Variants in FBN2 observed in about 807,000 individuals in gnomAD.
The protein encoded by FBN2 is fibrillin-2.
FBN2 carries 105 observed loss-of-function variants against 355.6 expected under a neutral mutation model. The ratio of observed to expected loss-of-function variants is 0.30; its 90% CI spans 0.25 to 0.35. FBN2 has a LOEUF of 0.35. Ranked by LOEUF, FBN2 falls within the 10% of genes least tolerant of loss-of-function variation. The pLI, the probability that FBN2 is intolerant of heterozygous loss-of-function variation, is 1.00. For synonymous variants in FBN2, 1,350 were observed against 1,301.2 expected, an observed-to-expected ratio of 1.04 and a Z score of -0.81; for missense variants, 3,280 against 3,758.7, an observed-to-expected ratio of 0.87 and a Z score of 3.33.
intron 11 of FBN2, among the ~76,000 whole-genome samples, chr5:128,388,179 T>C (rs1416273627): frequency 6.6e-6 from 1 of 152,228 alleles, no homozygotes; most frequent in Non-Finnish European, 1.5e-5. Context: ...TGTTTTTGTT[T>C]TCCATTTGCT....
intron 5 of FBN2, among the ~76,000 whole-genome samples, chr5:128,517,192 G>A (rs562219082): frequency 1.3e-5 from 2 of 152,208 alleles, no homozygotes; most frequent in African/African-American, 4.8e-5. Context: ...GAATAATGAC[G>A]TAATTCCTGG....
intron 6 of FBN2, among the ~76,000 whole-genome samples, chr5:128,461,321 C>A (rs1437978221): frequency 6.6e-6 from 1 of 152,066 alleles, no homozygotes; most frequent in Non-Finnish European, 1.5e-5. Flanking sequence ...TCACACCATT[C>A]AGAATGGTGA....
intron 5 of FBN2, among the ~76,000 whole-genome samples, chr5:128,504,666 A>G (rs750800330): frequency 1.3e-5 from 2 of 152,232 alleles, no homozygotes; most frequent in Non-Finnish European, 2.9e-5. Context: ...CAACCATTGT[A>G]TCTAGGAAGT....
chr5:128,408,585 T>G, intron 8 of FBN2, 89 bp downstream of exon 8: 1 of 1,470,372 alleles, frequency 6.8e-7, no homozygotes, highest in Non-Finnish European at 9.5e-7. Context: ...TCTTCAATAT[T>G]TTATAATCGT....
At chr5:128,341,344 C>T (rs1468259495) in intron 25 of FBN2, among the ~76,000 whole-genome samples, 2 of 152,120 alleles carry the variant, frequency 1.3e-5, no homozygotes, top group African/African-American at 4.8e-5. Flanking sequence ...GATGGTTAAC[C>T]TGGGTTGTGG....
At position 128,455,990 on chromosome 5, in the gene FBN2, C is replaced by CAAAAAAAAAAAAAAAAAAAAAAAAAA. The variant is rs70997371; in HGVS notation, c.826+8708_826+8733dup. The stretch of plus-strand genomic sequence containing the variant: ...GAGCTCCTTGGGGGAGGGTTAGCAA[C>CAAAAAAAAAAAAAAAAAAAAAAAAAA]AAAAAAAAAAAAAAAAAAAAAAAAA... On this transcript the variant is annotated intron_variant, in intron 6 of 64. Transcript: ENST00000262464. 2.4e-4 allele frequency among the ~76,000 whole-genome samples: 6 copies of CAAAAAAAAAAAAAAAAAAAAAAAAAA among 25,276 alleles called. 2 individuals are homozygous for CAAAAAAAAAAAAAAAAAAAAAAAAAA. Among genetic ancestry groups the CAAAAAAAAAAAAAAAAAAAAAAAAAA allele is most frequent in the Non-Finnish European group, 4.7e-4 (6 of 12,632 alleles). 16.6% of individuals were successfully genotyped at this position (25,276 alleles called of 152,430 possible).
At chr5:128,533,037 C>A (rs966051224) in intron 2 of FBN2, among the ~76,000 whole-genome samples, 1 of 151,978 alleles carries the variant, frequency 6.6e-6, no homozygotes, top group African/African-American at 2.4e-5. Context: ...GATCCTGTCT[C>A]AAATTAATAA....
intron 34 of FBN2, 98 bp from the exon 35 acceptor site, chr5:128,319,099 G>T: frequency 1.0e-6 from 1 of 975,366 alleles, no homozygotes; most frequent in Non-Finnish European, 1.6e-6. Flanking sequence ...CCCCTCAGAT[G>T]TTTTTATTCA....
intron 5 of FBN2, among the ~76,000 whole-genome samples, chr5:128,499,619 C>T (rs4836376): frequency 0.7 from 105,820 of 152,010 alleles, 38,976 homozygotes; most frequent in African/African-American, 0.93. Context: ...GGAATCAATA[C>T]TGTTGACAAA....
intron 45 of FBN2, among the ~76,000 whole-genome samples, chr5:128,303,943 T>C (rs1749790686): frequency 6.6e-6 from 1 of 152,148 alleles, no homozygotes; most frequent in Non-Finnish European, 1.5e-5. Flanking sequence ...GTATATTCCT[T>C]TGTATAAACA....
intron 25 of FBN2, 35 bp from the exon 26 acceptor site, chr5:128,339,096 G>T: frequency 1.2e-6 from 2 of 1,610,494 alleles, no homozygotes; most frequent in Non-Finnish European, 8.5e-7. Context: ...TTTAAAAATT[G>T]AATGAGATAG....
intron 5 of FBN2, among the ~76,000 whole-genome samples, chr5:128,493,473 T>C (rs1755565229): frequency 6.6e-6 from 1 of 152,120 alleles, no homozygotes; most frequent in African/African-American, 2.4e-5. Flanking sequence ...ACATATATCA[T>C]GCCATCAAAA....
At chr5:128,415,981 T>C (rs1465654439) in intron 7 of FBN2, among the ~76,000 whole-genome samples, 1 of 152,154 alleles carries the variant, frequency 6.6e-6, no homozygotes, top group Non-Finnish European at 1.5e-5. Flanking sequence ...CAAGTATCTC[T>C]TGACCATTTT....
Position 128,305,650 on chromosome 5 carries a change from A to C in FBN2, c.5549-14T>G, listed in dbSNP as rs1345201243. 2 of 1,613,930 alleles carry C rather than the reference A, an allele frequency of 1.2e-6. No homozygotes were observed. The highest frequency in any genetic ancestry group is 4.5e-5 in the East Asian group (2 of 44,874). Reference sequence around the variant, plus strand: ...ACTCATCTATATCTGAAAGAGCAACAATTCCATTTTAAAGAGTCCTTTTTA... The same window carrying C: ...ACTCATCTATATCTGAAAGAGCAACCATTCCATTTTAAAGAGTCCTTTTTA... On this transcript the variant is annotated splice_polypyrimidine_tract_variant and intron_variant, in intron 43 of 64. Coordinates refer to ENST00000262464, the MANE Select transcript of FBN2 (RefSeq NM_001999.4).
chr5:128,449,908 C>G (rs1408562697), intron 6 of FBN2, among the ~76,000 whole-genome samples: 2 of 151,976 alleles, frequency 1.3e-5, no homozygotes, highest in Non-Finnish European at 2.9e-5. Flanking sequence ...TAGTACTCAT[C>G]ACGACAAGTA....
intron 8 of FBN2, among the ~76,000 whole-genome samples, chr5:128,403,112 G>A (rs887138270): frequency 2.0e-5 from 3 of 151,928 alleles, no homozygotes; most frequent in Admixed American, 1.3e-4. Flanking sequence ...ACACATGCAT[G>A]TGGAATCAAC....
chr5:128,271,959 G>T (rs1317779010), intron 62 of FBN2, 40 bp downstream of exon 62: 4 of 1,610,594 alleles, frequency 2.5e-6, no homozygotes, highest in Admixed American at 1.7e-5. Context: ...GACACTTTCA[G>T]GTGAGAAAAG....
chr5:128,316,450 T>C (rs561869578), intron 36 of FBN2, among the ~76,000 whole-genome samples: 4 of 152,336 alleles, frequency 2.6e-5, no homozygotes, highest in Admixed American at 6.5e-5. Flanking sequence ...AATAAGTCCT[T>C]GTTTTTTTGG....
chr5:128,425,127 C>A (rs59535791), intron 7 of FBN2, among the ~76,000 whole-genome samples: 16,573 of 151,276 alleles, frequency 0.11, 1,061 homozygotes, highest in African/African-American at 0.17. Flanking sequence ...CACATTAGGA[C>A]AAACTTAAAA....
Sources: gnomAD v4.1 joint callset for allele counts (sites outside exome capture counted in the v4.1 genomes callset) on GRCh38, gnomAD v4.1.1 for gene constraint, MANE v1.5 for transcripts, NCBI Gene and HGNC (gene_info 2026-07-23, HGNC 2026-07-21) for gene names.